Variants in PTPRN2 observed in about 807,000 individuals in gnomAD.
The protein encoded by PTPRN2 is protein tyrosine phosphatase receptor type N2.
A neutral mutation model predicts 118.8 loss-of-function variants in PTPRN2; 74 were observed. The observed-to-expected ratio is 0.62, with a 90% CI of 0.52 to 0.76. The LOEUF (loss-of-function observed/expected upper bound fraction) is 0.76, where lower values mean the gene tolerates loss of function less well. Among genes scored for constraint, PTPRN2 ranks in the 30% least tolerant of loss-of-function variants. PTPRN2 has a pLI of 0.00. For missense variants in PTPRN2, 1,481 were observed against 1,394.4 expected (o/e 1.06, Z -0.99); for synonymous variants, 641 against 608.0 (o/e 1.05, Z -0.80).
intron 12 of PTPRN2, among the ~76,000 whole-genome samples, chr7:157,757,188 T>C (rs1801837131): frequency 6.7e-6 from 1 of 150,194 alleles, no homozygotes; most frequent in African/African-American, 2.5e-5. Flanking sequence ...GGCTGCACCG[T>C]GCAGGCAGAG....
chr7:157,810,477 C>T (rs539720616), intron 12 of PTPRN2, among the ~76,000 whole-genome samples: 111 of 142,278 alleles, frequency 7.8e-4, no homozygotes, highest in Middle Eastern at 4.1e-3. Flanking sequence ...ACGGGGACAG[C>T]GGGGCTGCTG....
chr7:158,374,921 C>G (rs1052160127), intron 2 of PTPRN2, among the ~76,000 whole-genome samples: 1 of 152,200 alleles, frequency 6.6e-6, no homozygotes, highest in African/African-American at 2.4e-5. Flanking sequence ...CTACAGATTT[C>G]TACTATATGT....
chr7:158,124,845 G>A (rs1447299628), intron 9 of PTPRN2, among the ~76,000 whole-genome samples: 2 of 152,244 alleles, frequency 1.3e-5, no homozygotes, highest in Non-Finnish European at 2.9e-5. Flanking sequence ...TCCAACAGGA[G>A]AGGGTGACGG....
At position 158,522,423 on chromosome 7, in the gene PTPRN2, G is replaced by A. The variant is rs556114899; in HGVS notation, c.113-32638C>T. On this transcript the variant is annotated intron_variant, in intron 1 of 22. Coordinates refer to ENST00000389418, the MANE Select transcript of PTPRN2 (RefSeq NM_002847.5). ...TGGACTGTCCAGGTGCTGGCTCAGG[G>A]GGAAGGTCCACATCGGAATGGTAGA... Among the ~76,000 whole-genome samples the A allele has an allele frequency of 2.0e-3, 272 of 139,022 alleles. 16 individuals carry two copies. The highest frequency in any genetic ancestry group is 3.7e-3 in the Middle Eastern group (1 of 272). 91.2% of individuals were successfully genotyped at this position (139,022 alleles called of 152,430 possible).
intron 11 of PTPRN2, among the ~76,000 whole-genome samples, chr7:157,942,997 G>A (rs1800242932): frequency 6.6e-6 from 1 of 152,182 alleles, no homozygotes; most frequent in Non-Finnish European, 1.5e-5. Context: ...CAAGAGCCGA[G>A]CTCTGTGATG....
chr7:158,559,631 C>T (rs1397432966), intron 1 of PTPRN2, among the ~76,000 whole-genome samples: 2 of 152,172 alleles, frequency 1.3e-5, no homozygotes, highest in African/African-American at 2.4e-5. Flanking sequence ...TTTTCAGGGC[C>T]CCCTCTGAGG....
At chr7:158,441,061 G>GGGTGGTAGTGAT (rs1817053863) in intron 2 of PTPRN2, among the ~76,000 whole-genome samples, 1 of 52,034 alleles carries the variant, frequency 1.9e-5, no homozygotes, top group Admixed American at 2.4e-4. Flanking sequence ...GTAGTGATGG[G>GGGTGGTAGTGAT]GGTGGTAGTG....
intron 2 of PTPRN2, among the ~76,000 whole-genome samples, chr7:158,423,538 C>CT (rs1815439292): frequency 8.1e-6 from 1 of 122,946 alleles, no homozygotes. Context: ...TCTGGTTCCT[C>CT]ATTTTTTTTT....
At chr7:157,993,120 A>G (rs1804376852) in intron 11 of PTPRN2, among the ~76,000 whole-genome samples, 1 of 152,156 alleles carries the variant, frequency 6.6e-6, no homozygotes, top group African/African-American at 2.4e-5. Flanking sequence ...GTGAGCTGCA[A>G]CTTTCCATTT....
chr7:157,682,794 C>T lies in PTPRN2; in HGVS notation c.1932G>A (p.Gln644=), dbSNP rs747859687. ...CCGAGAGCTTCTCCTTCAGCCTGTG[C>T]TGAGAGCTATGGCGGAGGCAGTAGA... ...GLIYCLRHSS[Q]HRLKEKLSGL... is the part of the protein sequence containing the mutation. The change falls in exon 13 of 23, where the codon CAG becomes CAA. Residue 644 remains glutamine, a synonymous_variant. Coordinates refer to ENST00000389418, the MANE Select transcript of PTPRN2 (RefSeq NM_002847.5). The T allele has an allele frequency of 3.1e-6, 5 of 1,614,124 alleles. No individual in the cohort carries two copies. Among genetic ancestry groups the T allele is most frequent in the Non-Finnish European group, 4.2e-6 (5 of 1,180,038 alleles).
At chr7:157,562,861 TCCCA>T (rs1799268397) in intron 21 of PTPRN2, among the ~76,000 whole-genome samples, 5 of 119,784 alleles carry the variant, frequency 4.2e-5, no homozygotes, top group Admixed American at 1.9e-4. Context: ...GACCACGTGC[TCCCA>T]TGTCACCACA....
intron 9 of PTPRN2, among the ~76,000 whole-genome samples, chr7:158,125,380 C>T (rs1179703050): frequency 6.6e-6 from 1 of 152,010 alleles, no homozygotes; most frequent in African/African-American, 2.4e-5. Context: ...CACGGCCACC[C>T]CCCTGCCTCG....
intron 12 of PTPRN2, among the ~76,000 whole-genome samples, chr7:157,758,022 G>T (rs1801900202): frequency 6.6e-6 from 1 of 152,244 alleles, no homozygotes; most frequent in African/African-American, 2.4e-5. Flanking sequence ...TGAAGCCAGG[G>T]GTTTGCGGGA....
chr7:157,639,805 T>A (rs567611620), intron 14 of PTPRN2, among the ~76,000 whole-genome samples: 1 of 152,294 alleles, frequency 6.6e-6, no homozygotes, highest in East Asian at 1.9e-4. Context: ...CAAATGGGTG[T>A]GCTCACACCA....
chr7:158,136,654 C>A lies in PTPRN2; in HGVS notation c.1173+1G>T. Reference sequence around the variant, plus strand: ...AACAAACACCAGAGACGTCATCTTACCTCTTGGTAAAGTCTATCATCGTCG... The same window carrying A: ...AACAAACACCAGAGACGTCATCTTAACTCTTGGTAAAGTCTATCATCGTCG... On this transcript the variant is annotated splice_donor_variant, in intron 8 of 22. Transcript: ENST00000389418. LOFTEE classifies it high-confidence loss of function. The A allele has an allele frequency of 6.2e-7, 1 of 1,613,130 alleles. No individual in the cohort carries two copies.
chr7:158,245,383 G>T (rs1317808068), intron 3 of PTPRN2, among the ~76,000 whole-genome samples: 2 of 152,274 alleles, frequency 1.3e-5, no homozygotes, highest in African/African-American at 4.8e-5. Context: ...GACAGCTTCA[G>T]AGCTGGTCAA....
At chr7:158,207,805 C>T (rs1827275158) in intron 3 of PTPRN2, among the ~76,000 whole-genome samples, 1 of 152,088 alleles carries the variant, frequency 6.6e-6, no homozygotes, top group Non-Finnish European at 1.5e-5. Context: ...CACCAGGGAC[C>T]AATCCTGGAG....
chr7:158,492,186 G>A (rs182218542), intron 1 of PTPRN2, among the ~76,000 whole-genome samples: 1 of 152,352 alleles, frequency 6.6e-6, no homozygotes, highest in East Asian at 1.9e-4. Flanking sequence ...GAGATGTGCT[G>A]GAGGTTAGTC....
intron 12 of PTPRN2, among the ~76,000 whole-genome samples, chr7:157,822,985 A>G (rs1247028164): frequency 6.6e-6 from 1 of 151,986 alleles, no homozygotes; most frequent in Non-Finnish European, 1.5e-5. Context: ...GCATTCATCC[A>G]TCCACCCATG....
Sources: allele counts gnomAD v4.1 joint callset (sites outside exome capture counted in the v4.1 genomes callset), GRCh38; gene constraint gnomAD v4.1.1; transcripts MANE v1.5; gene names NCBI Gene and HGNC (gene_info 2026-07-23, HGNC 2026-07-21).